STRADA: variants seen among roughly 807,000 people sequenced by gnomAD.
STRADA encodes STE20-related kinase adapter protein alpha.
A neutral mutation model predicts 55.0 loss-of-function variants in STRADA; 26 were observed. The ratio of observed to expected loss-of-function variants is 0.47; its 90% CI spans 0.35 to 0.66. The LOEUF (loss-of-function observed/expected upper bound fraction) is 0.66. Ranked by LOEUF, STRADA falls within the 30% of genes least tolerant of loss-of-function variation. The probability of loss-of-function intolerance (pLI) is 0.01; values close to 1 mark genes in which losing one functional copy is unlikely to be tolerated. For missense variants in STRADA, 443 were observed against 549.7 expected (o/e 0.81, Z 1.94); for synonymous variants, 197 against 210.9 (o/e 0.93, Z 0.57).
chr17:63,730,341 C>T (rs926615106), intron 1 of STRADA, among the ~76,000 whole-genome samples: 9 of 151,976 alleles, frequency 5.9e-5, no homozygotes, highest in South Asian at 2.1e-4. Context: ...TAGGGCCCTC[C>T]GGTCTCCTGC....
chr17:63,724,269 A>C (rs1175396665), intron 3 of STRADA, among the ~76,000 whole-genome samples: 4 of 151,588 alleles, frequency 2.6e-5, no homozygotes, highest in African/African-American at 9.7e-5. Flanking sequence ...CAGCCTCCCA[A>C]GTAGCTGGGA....
At chr17:63,706,853 A>C (rs2143775495) in intron 9 of STRADA, 114 bp from the exon 10 acceptor site, 1 of 769,148 alleles carries the variant, frequency 1.3e-6, no homozygotes, top group Non-Finnish European at 2.2e-6. Context: ...CCTGCTGCTA[A>C]TGACTCTCCT....
intron 1 of STRADA, among the ~76,000 whole-genome samples, chr17:63,732,676 T>A (rs1328851119): frequency 6.6e-6 from 1 of 151,974 alleles, no homozygotes; most frequent in Non-Finnish European, 1.5e-5. Context: ...GTGCCTGTAG[T>A]CCCAACTACT....
intron 1 of STRADA, among the ~76,000 whole-genome samples, chr17:63,733,125 G>C (rs1387986043): frequency 6.6e-6 from 1 of 152,180 alleles, no homozygotes; most frequent in East Asian, 1.9e-4. Context: ...CCTGACCTCA[G>C]GTGATCCGCC....
intron 10 of STRADA, chr17:63,705,017 G>A: frequency 9.1e-7 from 1 of 1,100,152 alleles, no homozygotes; most frequent in Non-Finnish European, 1.3e-6. Flanking sequence ...CCACAGCCTG[G>A]GCTGTCGCTG....
intron 4 of STRADA, among the ~76,000 whole-genome samples, chr17:63,716,097 T>C (rs1025041356): frequency 1.4e-5 from 2 of 145,256 alleles, no homozygotes; most frequent in Non-Finnish European, 3.0e-5. Context: ...CGTACGTGGT[T>C]TTTTTTTTTT....
chr17:63,705,332 G>A (rs1568173130), intron 10 of STRADA: 5 of 219,498 alleles, frequency 2.3e-5, no homozygotes, highest in Non-Finnish European at 4.6e-5. Flanking sequence ...TCCCACGCTA[G>A]ACAGTGCAGC....
intron 6 of STRADA, chr17:63,712,388 CGA>C (rs1199010671): frequency 6.6e-6 from 1 of 152,096 alleles, no homozygotes; most frequent in African/African-American, 2.4e-5. Context: ...CTCAGTTTAA[CGA>C]GAGAGTGGCT....
At chr17:63,732,084 G>A (rs2038103695) in intron 1 of STRADA, among the ~76,000 whole-genome samples, 1 of 152,038 alleles carries the variant, frequency 6.6e-6, no homozygotes, top group African/African-American at 2.4e-5. Flanking sequence ...TAGCCAGGAT[G>A]GTCTCGATCT....
At chr17:63,724,465 G>C (rs542013251) in intron 3 of STRADA, among the ~76,000 whole-genome samples, 2 of 140,770 alleles carry the variant, frequency 1.4e-5, no homozygotes, top group African/African-American at 2.6e-5. Context: ...TTTTTGAGAC[G>C]GAGTCTCCCT....
intron 1 of STRADA, chr17:63,741,396 G>C (rs1305439560): frequency 6.6e-6 from 1 of 152,310 alleles, no homozygotes; most frequent in East Asian, 1.9e-4. Flanking sequence ...CCAGGACCGG[G>C]GTCGGCCGCC....
At chr17:63,720,150 GT>G (rs2037194607) in intron 4 of STRADA, among the ~76,000 whole-genome samples, 1 of 150,212 alleles carries the variant, frequency 6.7e-6, no homozygotes, top group Non-Finnish European at 1.5e-5. Flanking sequence ...AGCCTCCCAG[GT>G]ATATGCCACC....
intron 11 of STRADA, 112 bp from the exon 12 acceptor site, chr17:63,704,159 T>C (rs1448815566): frequency 6.5e-7 from 1 of 1,529,114 alleles, no homozygotes; most frequent in Non-Finnish European, 8.8e-7. Flanking sequence ...CCTCAGCTCA[T>C]GGGAAGCAGT....
rs1415297615 is a variant in STRADA, at chr17:63,703,601, A to C, written c.1294T>G (p.Ter432GlyextTer47). Residue 432 changes from the stop codon to glycine, a stop_lost, in exon 13 of 13, where the codon TGA becomes GGA. Coordinates refer to ENST00000336174, the MANE Select transcript of STRADA (RefSeq NM_001003787.4). ...EELEVDDWEF[*>G] ...GAATGCGCACAGTTTGCAGAGGCTC[A>C]GAACTCCCAATCGTCCACCTCCAGC... The C allele has an allele frequency of 4.3e-6, 7 of 1,613,460 alleles. No homozygotes were observed. The East Asian group carries it at 1.6e-4, about 36-fold the overall frequency.
At chr17:63,713,554 C>A (rs567657505) in intron 5 of STRADA, 27 bp from the exon 6 acceptor site, 17 of 1,606,368 alleles carry the variant, frequency 1.1e-5, no homozygotes, top group Non-Finnish European at 1.4e-5. Flanking sequence ...ATGCCATACG[C>A]AAGGACAAGA....
chr17:63,726,595 T>C (rs778902798), intron 3 of STRADA, 43 bp downstream of exon 3: 11 of 1,587,778 alleles, frequency 6.9e-6, no homozygotes, highest in Admixed American at 3.6e-5. Context: ...AAGTAGTGAT[T>C]TTTATATCCT....
At chr17:63,706,853 A>T in intron 9 of STRADA, 114 bp from the exon 10 acceptor site, 1 of 769,148 alleles carries the variant, frequency 1.3e-6, no homozygotes, top group Non-Finnish European at 2.2e-6. Flanking sequence ...CCTGCTGCTA[A>T]TGACTCTCCT....
chr17:63,707,128 C>T, intron 9 of STRADA, 119 bp downstream of exon 9: 1 of 1,339,124 alleles, frequency 7.5e-7, no homozygotes, highest in Non-Finnish European at 1.0e-6. Context: ...GGCTCCCTCC[C>T]TCCAGGAACC....
chr17:63,704,741 C>A, intron 10 of STRADA, 159 bp from the exon 11 acceptor site: 3 of 1,522,222 alleles, frequency 2.0e-6, no homozygotes, highest in Non-Finnish European at 2.6e-6. Context: ...CCAATTTTCC[C>A]AAAGAAACGC....
Sources: allele counts gnomAD v4.1 joint callset (sites outside exome capture counted in the v4.1 genomes callset), GRCh38; gene constraint gnomAD v4.1.1; transcripts MANE v1.5; gene names NCBI Gene and HGNC (gene_info 2026-07-23, HGNC 2026-07-21).